TRPM6: variants seen among roughly 807,000 people sequenced by gnomAD.
The protein encoded by TRPM6 is transient receptor potential cation channel subfamily M member 6.
A neutral mutation model predicts 247.6 loss-of-function variants in TRPM6; 111 were observed. That is an observed-to-expected ratio of 0.45 (90% CI 0.38 to 0.52). The LOEUF is 0.52. Among genes scored for constraint, TRPM6 ranks in the 20% least tolerant of loss-of-function variants. The pLI, the probability that TRPM6 is intolerant of heterozygous loss-of-function variation, is 0.00. For synonymous variants in TRPM6, 892 were observed against 853.8 expected (o/e 1.04, Z -0.78); for missense variants, 2,126 against 2,421.5 (o/e 0.88, Z 2.56).
At chr9:74,842,094 A>G (rs1829957006) in intron 4 of TRPM6, 72 bp downstream of exon 4, 2 of 1,564,564 alleles carry the variant, frequency 1.3e-6, no homozygotes, top group East Asian at 2.2e-5. Context: ...CTGGGCAACA[A>G]GAGCAAAACC....
chr9:74,806,279 GTATT>G (rs60032253), intron 14 of TRPM6, among the ~76,000 whole-genome samples: 168 of 150,764 alleles, frequency 1.1e-3, no homozygotes, highest in South Asian at 0.011. Context: ...AAAATTTATT[GTATT>G]TATTTATTTA....
At chr9:74,754,836 C>T (rs1826381713) in intron 28 of TRPM6, among the ~76,000 whole-genome samples, 1 of 152,162 alleles carries the variant, frequency 6.6e-6, no homozygotes, top group African/African-American at 2.4e-5. Flanking sequence ...CCAGGCCTAG[C>T]CCATAGTATT....
chr9:74,887,757 C>A (rs1422138189), intron 1 of TRPM6, 67 bp downstream of exon 1: 3 of 1,613,764 alleles, frequency 1.9e-6, no homozygotes, highest in Middle Eastern at 1.7e-4. Context: ...TATCTAAGGC[C>A]GGGGGCGCAG....
chr9:74,878,444 C>T (rs1046269837), intron 1 of TRPM6, among the ~76,000 whole-genome samples: 1 of 152,186 alleles, frequency 6.6e-6, no homozygotes, highest in Non-Finnish European at 1.5e-5. Flanking sequence ...GTCCCCATCC[C>T]CAGCAAAACC....
In TRPM6 at chr9:74,755,455, A is replaced by G; in HGVS notation, c.4804T>C (p.Cys1602Arg). Residue 1602 changes from cysteine to arginine, a missense_variant, in exon 28 of 39, where the codon TGC becomes CGC. By Grantham distance (180) the Cys-to-Arg change is radical. Coordinates refer to ENST00000360774, the MANE Select transcript of TRPM6 (RefSeq NM_017662.5). ...LQVPIITVNA[C>R]SQSDQLNPEP... Reference sequence around the variant, plus strand: ...GGATTCAACTGGTCACTCTGAGAGCAGGCATTGACTGTTATGATCTGGAGA... The same window carrying G: ...GGATTCAACTGGTCACTCTGAGAGCGGGCATTGACTGTTATGATCTGGAGA... 6.2e-7 allele frequency: 1 copy of G among 1,614,186 alleles called. No homozygotes were observed. Among genetic ancestry groups the G allele is most frequent in the Non-Finnish European group, 8.5e-7 (1 of 1,180,008 alleles).
intron 3 of TRPM6, among the ~76,000 whole-genome samples, chr9:74,846,074 G>A (rs1357593206): frequency 5.3e-5 from 8 of 152,140 alleles, no homozygotes; most frequent in Non-Finnish European, 1.2e-4. Flanking sequence ...ATATCAAGAA[G>A]CAGAGAAAAT....
intron 1 of TRPM6, among the ~76,000 whole-genome samples, chr9:74,883,572 G>C (rs1253972160): frequency 6.6e-6 from 1 of 152,146 alleles, no homozygotes; most frequent in Admixed American, 6.5e-5. Flanking sequence ...CTATACCTAT[G>C]ATCTTGATCA....
chr9:74,752,354 T>A lies in TRPM6; in HGVS notation c.4921A>T (p.Ile1641Leu). The A allele has an allele frequency of 6.3e-7, 1 of 1,576,630 alleles. No homozygotes were observed. Among genetic ancestry groups the A allele is most frequent in the East Asian group, 2.2e-5 (1 of 44,594 alleles). ...TCTTTAGTTTTCATTTTCTGATGTA[T>A]GTAAGGTTCTACACCTTGTAAAGAG... The part of the protein sequence containing the change: ...KFSHTGVEPY[I>L]HQKMKTKEIG... Residue 1641 changes from isoleucine to leucine, a missense_variant, in exon 29 of 39, where the codon ATA (isoleucine) becomes TTA (leucine). Coordinates refer to ENST00000360774, the MANE Select transcript of TRPM6 (RefSeq NM_017662.5).
intron 25 of TRPM6, among the ~76,000 whole-genome samples, chr9:74,765,616 C>T (rs1428579030): frequency 6.6e-6 from 1 of 152,144 alleles, no homozygotes; most frequent in Non-Finnish European, 1.5e-5. Context: ...GCTGACGTGA[C>T]CATTGCAGAA....
At chr9:74,759,977 C>T (rs555078950) in intron 27 of TRPM6, among the ~76,000 whole-genome samples, 6 of 152,218 alleles carry the variant, frequency 3.9e-5, no homozygotes, top group East Asian at 3.9e-4. Flanking sequence ...CCAAAAATAC[C>T]GTCATGCCCC....
chr9:74,829,256 C>T (rs1829463885), intron 6 of TRPM6, among the ~76,000 whole-genome samples: 1 of 152,140 alleles, frequency 6.6e-6, no homozygotes, highest in Non-Finnish European at 1.5e-5. Flanking sequence ...CTCGCCACTG[C>T]ACTCCAGCCT....
At chr9:74,827,749 C>A (rs75970041) in intron 7 of TRPM6, 29 bp downstream of exon 7, 899 of 1,613,234 alleles carry the variant, frequency 5.6e-4, no homozygotes, top group Non-Finnish European at 7.3e-4. Flanking sequence ...TGCAACCAGA[C>A]TGGGTGACTG....
chr9:74,741,362 T>C (rs926292505), intron 33 of TRPM6, among the ~76,000 whole-genome samples: 1 of 152,088 alleles, frequency 6.6e-6, no homozygotes, highest in Admixed American at 6.6e-5. Flanking sequence ...AACACGGTAC[T>C]GGTTTACCAA....
At chr9:74,806,127 G>A (rs1281888792) in intron 14 of TRPM6, among the ~76,000 whole-genome samples, 1 of 151,892 alleles carries the variant, frequency 6.6e-6, no homozygotes, top group African/African-American at 2.4e-5. Context: ...AAATAATCTG[G>A]GGGCAGGAGG....
chr9:74,837,119 T>C (rs575733025), intron 5 of TRPM6, among the ~76,000 whole-genome samples: 1 of 152,356 alleles, frequency 6.6e-6, no homozygotes, highest in East Asian at 1.9e-4. Context: ...GCTTTTCACA[T>C]AGTAGATTCT....
intron 5 of TRPM6, among the ~76,000 whole-genome samples, chr9:74,836,084 G>A (rs1413290973): frequency 6.6e-6 from 1 of 152,078 alleles, no homozygotes; most frequent in East Asian, 1.9e-4. Flanking sequence ...CACCATGTTA[G>A]TATCACTGGC....
intron 11 of TRPM6, among the ~76,000 whole-genome samples, chr9:74,815,075 A>T (rs1480610139): frequency 6.6e-6 from 1 of 152,188 alleles, no homozygotes; most frequent in South Asian, 2.1e-4. Flanking sequence ...GCAGTCCATA[A>T]GGTCCAATAT....
Position 74,836,744 on chromosome 9 carries a change from G to A in TRPM6, c.545-2622C>T, listed in dbSNP as rs1045794165. Among the ~76,000 whole-genome samples, 4 of 152,264 alleles carry A rather than the reference G, an allele frequency of 2.6e-5. No homozygotes were observed. The South Asian group carries it at 8.3e-4, about 32-fold the overall frequency. On this transcript the variant is annotated intron_variant, in intron 5 of 38. Transcript: ENST00000360774. ...CAATCTGGCTCCAGTCTCCTTTGCA[G>A]TCCCTGTCCCCTGCCACATGGCACA...
intron 21 of TRPM6, 112 bp downstream of exon 21, chr9:74,785,762 A>G (rs1252646597): frequency 2.6e-6 from 3 of 1,176,428 alleles, no homozygotes; most frequent in Non-Finnish European, 2.5e-6. Flanking sequence ...TGACCTTGTG[A>G]TCCGCCCGCC....
Sources: gnomAD v4.1 joint callset for allele counts (sites outside exome capture counted in the v4.1 genomes callset) on GRCh38, gnomAD v4.1.1 for gene constraint, MANE v1.5 for transcripts, NCBI Gene and HGNC (gene_info 2026-07-23, HGNC 2026-07-21) for gene names.